Variants in VEGFC observed in about 807,000 individuals in gnomAD.
The protein encoded by VEGFC is vascular endothelial growth factor C, also known as FLT4 ligand DHM.
Under a neutral mutation model 46.1 loss-of-function variants are expected in VEGFC, and 12 were observed. The observed-to-expected ratio is 0.26, with a 90% confidence interval of 0.17 to 0.42. The LOEUF (loss-of-function observed/expected upper bound fraction) is 0.42. Among genes scored for constraint, VEGFC ranks in the 10% least tolerant of loss-of-function variants. The pLI, the probability that VEGFC is intolerant of heterozygous loss-of-function variation, is 1.00. For missense variants in VEGFC, 488 were observed against 529.4 expected (o/e 0.92, Z 0.77); for synonymous variants, 232 against 195.5 (o/e 1.19, Z -1.56).
At chr4:176,748,822 C>T (rs141484089) in intron 1 of VEGFC, among the ~76,000 whole-genome samples, 151 of 151,678 alleles carry the variant, frequency 1.0e-3, no homozygotes, top group South Asian at 4.4e-3. Flanking sequence ...AGTCTACCCA[C>T]AAAATTTAAA....
At chr4:176,744,149 G>A (rs77912608) in intron 1 of VEGFC, among the ~76,000 whole-genome samples, 8,658 of 152,004 alleles carry the variant, frequency 0.057, 330 homozygotes, top group Non-Finnish European at 0.09. Flanking sequence ...ATGTTTGATG[G>A]TGATTAACCC....
chr4:176,791,500 A>C (rs76331075), intron 1 of VEGFC, among the ~76,000 whole-genome samples: 6,280 of 147,808 alleles, frequency 0.042, 332 homozygotes, highest in African/African-American at 0.13. Context: ...AAAAAAAAAA[A>C]CTTAGTTTGC....
At chr4:176,694,269 A>C (rs1045704152) in intron 4 of VEGFC, among the ~76,000 whole-genome samples, 15 of 151,324 alleles carry the variant, frequency 9.9e-5, no homozygotes, top group Non-Finnish European at 1.8e-4. Context: ...GGCTCAAAAT[A>C]AAAGGATGGA....
chr4:176,738,057 A>G (rs932586905), intron 1 of VEGFC, among the ~76,000 whole-genome samples: 1 of 152,058 alleles, frequency 6.6e-6, no homozygotes, highest in Non-Finnish European at 1.5e-5. Context: ...CAGAGAGGAC[A>G]CAAGCAAATG....
At chr4:176,745,102 T>C (rs1181247717) in intron 1 of VEGFC, among the ~76,000 whole-genome samples, 1 of 152,012 alleles carries the variant, frequency 6.6e-6, no homozygotes, top group Non-Finnish European at 1.5e-5. Context: ...AAGTCCTGAA[T>C]CAAACATCTC....
At chr4:176,774,467 A>T (rs1272628202) in intron 1 of VEGFC, among the ~76,000 whole-genome samples, 1 of 152,220 alleles carries the variant, frequency 6.6e-6, no homozygotes, top group African/African-American at 2.4e-5. Context: ...TATGCTAATT[A>T]CACAGTCTAT....
At chr4:176,733,703 C>G (rs541178883) in intron 1 of VEGFC, among the ~76,000 whole-genome samples, 52 of 151,708 alleles carry the variant, frequency 3.4e-4, no homozygotes, top group African/African-American at 1.1e-3. Context: ...CTCTAGTTGT[C>G]AAAACTCGCT....
chr4:176,742,356 C>T (rs531037775), intron 1 of VEGFC, among the ~76,000 whole-genome samples: 3 of 152,038 alleles, frequency 2.0e-5, no homozygotes, highest in African/African-American at 7.2e-5. Context: ...AGGCTGATTC[C>T]ATGACTTTGC....
chr4:176,718,979 T>G (rs990309021), intron 3 of VEGFC, among the ~76,000 whole-genome samples: 1 of 152,174 alleles, frequency 6.6e-6, no homozygotes, highest in African/African-American at 2.4e-5. Flanking sequence ...ATGAAAGAGG[T>G]TGAAAAGACA....
intron 4 of VEGFC, among the ~76,000 whole-genome samples, chr4:176,710,033 G>A (rs1734596239): frequency 6.6e-6 from 1 of 151,988 alleles, no homozygotes; most frequent in Non-Finnish European, 1.5e-5. Flanking sequence ...GTGATTTCAA[G>A]GCCTCAAAGA....
chr4:176,778,903 AG>A (rs1429864386), intron 1 of VEGFC, among the ~76,000 whole-genome samples: 12 of 152,320 alleles, frequency 7.9e-5, no homozygotes, highest in Admixed American at 7.8e-4. Context: ...GGAATAAATC[AG>A]TTTGACAAAA....
intron 3 of VEGFC, among the ~76,000 whole-genome samples, chr4:176,720,923 C>T (rs951989502): frequency 2.7e-5 from 4 of 145,856 alleles, no homozygotes; most frequent in South Asian, 2.2e-4. Context: ...TGCTAAGATA[C>T]AGCAACAATG....
chr4:176,753,591 C>G (rs572349526), intron 1 of VEGFC, among the ~76,000 whole-genome samples: 256 of 152,182 alleles, frequency 1.7e-3, no homozygotes, highest in African/African-American at 5.7e-3. Context: ...TAACTCCTCC[C>G]TCATGAATGA....
At position 176,734,298 on chromosome 4, in the gene VEGFC, A is replaced by T. The variant is rs146812906; in HGVS notation, c.148-4552T>A. On this transcript the variant is annotated intron_variant, in intron 1 of 6. Coordinates refer to ENST00000618562, the MANE Select transcript of VEGFC (RefSeq NM_005429.5). ...ATAAGAAAGTCACCAAGTTACTTCT[A>T]GTTTAGGTGAAATCCACATGGTGTT... is the stretch of plus-strand genomic sequence containing the variant. Among the ~76,000 whole-genome samples the T allele has an allele frequency of 1.4e-4, 21 of 151,972 alleles. No homozygotes were observed. In the East Asian group the frequency reaches 3.9e-3, roughly 28 times the overall value.
intron 1 of VEGFC, among the ~76,000 whole-genome samples, chr4:176,749,421 T>C (rs887957541): frequency 6.6e-6 from 1 of 151,968 alleles, no homozygotes; most frequent in African/African-American, 2.4e-5. Flanking sequence ...ATATTTTTTA[T>C]TGTTTTAAAT....
intron 3 of VEGFC, among the ~76,000 whole-genome samples, chr4:176,715,856 G>C (rs73872162): frequency 0.076 from 11,555 of 152,046 alleles, 460 homozygotes; most frequent in Non-Finnish European, 0.091. Flanking sequence ...TCAAATCACT[G>C]GCAACTTCCC....
chr4:176,725,015 T>C (rs1039552390), intron 3 of VEGFC, among the ~76,000 whole-genome samples: 6 of 151,900 alleles, frequency 3.9e-5, no homozygotes, highest in Non-Finnish European at 8.8e-5. Context: ...ATCAGGGAAA[T>C]TGGAGTGAAT....
At chr4:176,782,566 A>G (rs1735935315) in intron 1 of VEGFC, among the ~76,000 whole-genome samples, 1 of 152,120 alleles carries the variant, frequency 6.6e-6, no homozygotes, top group Admixed American at 6.5e-5. Context: ...TAAAATGTTA[A>G]TTTGAATTCT....
At chr4:176,712,904 A>T (rs1016427726) in intron 3 of VEGFC, among the ~76,000 whole-genome samples, 1 of 152,228 alleles carries the variant, frequency 6.6e-6, no homozygotes, top group African/African-American at 2.4e-5. Context: ...ATGCTTTAGA[A>T]GAAATAGGTA....
Sources: allele counts gnomAD v4.1 joint callset (sites outside exome capture counted in the v4.1 genomes callset), GRCh38; gene constraint gnomAD v4.1.1; transcripts MANE v1.5; gene names NCBI Gene and HGNC (gene_info 2026-07-23, HGNC 2026-07-21).